SYN3: variants seen among roughly 807,000 people sequenced by gnomAD.
SYN3 encodes the protein synapsin III, also known as synapsin-3.
A neutral mutation model predicts 65.8 loss-of-function variants in SYN3; 35 were observed. The ratio of observed to expected loss-of-function variants is 0.53; its 90% CI spans 0.41 to 0.70. The LOEUF (loss-of-function observed/expected upper bound fraction) is 0.70, where lower values mean the gene tolerates loss of function less well. Ranked by LOEUF, SYN3 falls within the 30% of genes least tolerant of loss-of-function variation. SYN3 has a pLI of 0.00. For missense variants in SYN3, 680 were observed against 749.0 expected (o/e 0.91, Z 1.08); for synonymous variants, 270 against 292.9 (o/e 0.92, Z 0.80).
At chr22:32,626,835 T>C (rs1164715457) in intron 6 of SYN3, among the ~76,000 whole-genome samples, 1 of 152,134 alleles carries the variant, frequency 6.6e-6, no homozygotes, top group African/African-American at 2.4e-5. Context: ...GTCTATCATG[T>C]AGTAGGTATT....
In SYN3 at chr22:32,986,156, C is replaced by T. The variant is rs56249635; in HGVS notation, c.312-5454G>A. Among the ~76,000 whole-genome samples the T allele has an allele frequency of 5.8e-3, 877 of 152,130 alleles. 6 individuals carry two copies. The highest frequency in any genetic ancestry group is 0.028 in the South Asian group (134 of 4,808). On this transcript the variant is annotated intron_variant, in intron 2 of 13. Coordinates refer to ENST00000358763, the MANE Select transcript of SYN3 (RefSeq NM_003490.4). ...ACAGGCTTAACAAATGTTCGCTGACCGGGTAAGGAAATACTGTCTGTAGGC... is the reference window on the plus strand; with the variant it reads ...ACAGGCTTAACAAATGTTCGCTGACTGGGTAAGGAAATACTGTCTGTAGGC...
chr22:32,690,427 C>A (rs2060646968), intron 6 of SYN3, among the ~76,000 whole-genome samples: 2 of 152,344 alleles, frequency 1.3e-5, no homozygotes, highest in South Asian at 4.1e-4. Flanking sequence ...TCTTTCTCCA[C>A]ACCAACCTCC....
At chr22:32,728,335 A>C (rs1036267540) in intron 6 of SYN3, among the ~76,000 whole-genome samples, 1 of 152,242 alleles carries the variant, frequency 6.6e-6, no homozygotes, top group Non-Finnish European at 1.5e-5. Flanking sequence ...TTCATCTCCC[A>C]TCATGCTCCC....
At chr22:32,621,404 C>T (rs2059592206) in intron 6 of SYN3, among the ~76,000 whole-genome samples, 2 of 151,698 alleles carry the variant, frequency 1.3e-5, no homozygotes, top group Non-Finnish European at 2.9e-5. Flanking sequence ...TCCAATTTTA[C>T]CCCTTATTAG....
chr22:32,945,664 T>C (rs1466424174), intron 3 of SYN3, among the ~76,000 whole-genome samples: 1 of 152,072 alleles, frequency 6.6e-6, no homozygotes, highest in Non-Finnish European at 1.5e-5. Flanking sequence ...CCAAAAGCAA[T>C]GGCAACAAAA....
At chr22:32,780,575 C>T (rs2046016684) in intron 6 of SYN3, among the ~76,000 whole-genome samples, 1 of 152,138 alleles carries the variant, frequency 6.6e-6, no homozygotes, top group Admixed American at 6.5e-5. Context: ...TGTAATTCAC[C>T]AGGTGCCTTG....
intron 3 of SYN3, among the ~76,000 whole-genome samples, chr22:32,973,684 T>C (rs767387869): frequency 3.2e-4 from 49 of 152,348 alleles, no homozygotes; most frequent in Non-Finnish European, 4.0e-4. Context: ...AGGGTGATAC[T>C]TAGCACAGAA....
chr22:32,518,048 A>C lies in SYN3; in HGVS notation c.1605T>G (p.His535Gln). Residue 535 changes from histidine to glutamine, a missense_variant, in exon 13 of 14, where the codon CAT (histidine) becomes CAG (glutamine). Physicochemically the swap from His to Gln is conservative, Grantham distance 24. Coordinates refer to ENST00000358763, the MANE Select transcript of SYN3 (RefSeq NM_003490.4). ...CCAATTCCCAAAGCACTTACTTGAG[A>C]TGCGGATGGGGTGGTGCTGGCTTCT... is the stretch of plus-strand genomic sequence containing the variant. ...ESKKPAPPHP[H>Q]LNKSQSLTNS... The C allele has an allele frequency of 6.6e-7, 1 of 1,517,230 alleles. No individual in the cohort carries two copies. The highest frequency in any genetic ancestry group is 8.8e-7 in the Non-Finnish European group (1 of 1,134,888). The allele number at this position is 1,517,230 out of a possible 1,614,324, so 94.0% of individuals were successfully genotyped here. A position where few individuals can be genotyped will look rare whatever the true frequency, so the allele number is the denominator to read the frequency against.
chr22:32,666,633 G>C (rs573736106), intron 6 of SYN3, among the ~76,000 whole-genome samples: 1 of 152,066 alleles, frequency 6.6e-6, no homozygotes, highest in African/African-American at 2.4e-5. Flanking sequence ...TGTTTAACAC[G>C]GTGGCCCCTT....
intron 12 of SYN3, among the ~76,000 whole-genome samples, chr22:32,519,052 G>C (rs1383582793): frequency 2.0e-5 from 3 of 152,138 alleles, no homozygotes; most frequent in Non-Finnish European, 4.4e-5. Context: ...GCAGGCCAAG[G>C]AGAGAAGCTG....
chr22:32,512,111 C>T lies in SYN3; in HGVS notation c.*1581G>A, dbSNP rs1390410423. On this transcript the variant is annotated 3_prime_UTR_variant, in exon 14 of 14. Transcript: ENST00000358763. ...AGGAGAGGGTCTCTGGCCCTGACGT[C>T]ACCACTCCAGTTTGGTTTTGAAGGA... Among the ~76,000 whole-genome samples the T allele has an allele frequency of 6.6e-6, 1 of 152,226 alleles. No homozygotes were observed. The highest frequency in any genetic ancestry group is 6.5e-5 in the Admixed American group (1 of 15,282).
At chr22:32,825,280 G>T (rs529772590) in intron 6 of SYN3, among the ~76,000 whole-genome samples, 33 of 152,298 alleles carry the variant, frequency 2.2e-4, no homozygotes, top group Non-Finnish European at 3.7e-4. Context: ...TGCTGACTTG[G>T]ATTCAGTTAC....
rs868743156 is a variant in SYN3 at position 32,641,557 on chromosome 22, G to A, written c.712-44821C>T. 3.7e-4 allele frequency among the ~76,000 whole-genome samples: 54 copies of A among 144,216 alleles called. 1 individual carries two copies. Among genetic ancestry groups the A allele is most frequent in the African/African-American group, 1.3e-3 (49 of 38,448 alleles). The allele number at this position is 144,216 out of a possible 152,430, so 94.6% of individuals were successfully genotyped here. ...CGGGAGGCAGAGTTTGCAGTGAGCC[G>A]AGATGGTGCCACTGCACTCCAGCCT... On this transcript the variant is annotated intron_variant, in intron 6 of 13. Transcript: ENST00000358763.
chr22:33,032,230 G>A (rs1313560896), intron 1 of SYN3, among the ~76,000 whole-genome samples: 1 of 149,804 alleles, frequency 6.7e-6, no homozygotes, highest in Non-Finnish European at 1.5e-5. Context: ...AAAAAATGCT[G>A]GGCATGGTGG....
chr22:32,617,114 C>T (rs1017027893), intron 6 of SYN3, among the ~76,000 whole-genome samples: 29 of 152,164 alleles, frequency 1.9e-4, no homozygotes, highest in African/African-American at 4.3e-4. Flanking sequence ...ACAATCACTA[C>T]GCCGTGTGTG....
chr22:32,744,565 C>A (rs919403903), intron 6 of SYN3, among the ~76,000 whole-genome samples: 1 of 152,190 alleles, frequency 6.6e-6, no homozygotes, highest in East Asian at 1.9e-4. Context: ...ATCTTCATTT[C>A]ACAGGTTAAT....
chr22:32,842,906 G>C (rs2047954687), intron 6 of SYN3, among the ~76,000 whole-genome samples: 2 of 152,184 alleles, frequency 1.3e-5, no homozygotes, highest in African/African-American at 4.8e-5. Flanking sequence ...GGTGATCAAA[G>C]GGATGTGGGG....
chr22:32,611,337 A>C (rs558096116), intron 6 of SYN3, among the ~76,000 whole-genome samples: 1 of 122,520 alleles, frequency 8.2e-6, no homozygotes, highest in East Asian at 2.4e-4. Flanking sequence ...CCTGTTGCCC[A>C]GGCTGGAGTG....
Position 32,529,234 on chromosome 22 carries a change from C to A in SYN3, c.1096-226G>T, listed in dbSNP as rs377740911. ...GGTAGTTCAATTCGGCCCACGTTTG[C>A]TGGATGACAGCAATGCGACAAGGGC... On this transcript the variant is annotated intron_variant, in intron 10 of 13. Transcript: ENST00000358763. 3.9e-5 allele frequency among the ~76,000 whole-genome samples: 6 copies of A among 152,316 alleles called. No homozygotes were observed. The East Asian group carries it at 7.7e-4, about 20-fold the overall frequency.
Sources: allele counts gnomAD v4.1 joint callset (sites outside exome capture counted in the v4.1 genomes callset), GRCh38; gene constraint gnomAD v4.1.1; transcripts MANE v1.5; gene names NCBI Gene and HGNC (gene_info 2026-07-23, HGNC 2026-07-21).